HTRA1: variants seen among roughly 807,000 people sequenced by gnomAD.
HTRA1 encodes HtrA serine peptidase 1.
Under a neutral mutation model 49.7 loss-of-function variants are expected in HTRA1, and 26 were observed. The ratio of observed to expected loss-of-function variants is 0.52; its 90% CI spans 0.38 to 0.73. The LOEUF (loss-of-function observed/expected upper bound fraction) is 0.73. HTRA1 is among the 30% of genes least tolerant of loss of function. The pLI, the probability that HTRA1 is intolerant of heterozygous loss-of-function variation, is 0.00. For synonymous variants in HTRA1, 291 were observed against 286.9 expected (o/e 1.01, Z -0.14); for missense variants, 561 against 667.2 (o/e 0.84, Z 1.75).
intron 3 of HTRA1, among the ~76,000 whole-genome samples, chr10:122,504,188 C>T (rs755075363): frequency 5.3e-5 from 8 of 152,206 alleles, no homozygotes; most frequent in African/African-American, 9.6e-5. Context: ...GGGGCTCCCC[C>T]GCCCCAGCCT....
chr10:122,510,288 A>G (rs1268077172), intron 7 of HTRA1, 135 bp downstream of exon 7: 1 of 762,334 alleles, frequency 1.3e-6, no homozygotes, highest in Non-Finnish European at 2.3e-6. Flanking sequence ...ATGAAGTAGC[A>G]TCGGGAAAGA....
chr10:122,469,344 G>A (rs1188849978), intron 1 of HTRA1, among the ~76,000 whole-genome samples: 1 of 152,174 alleles, frequency 6.6e-6, no homozygotes, highest in Non-Finnish European at 1.5e-5. Context: ...AAGAAGAGCT[G>A]TCTCTTTGGT....
intron 1 of HTRA1, among the ~76,000 whole-genome samples, chr10:122,463,934 G>A (rs757057735): frequency 1.3e-5 from 2 of 152,214 alleles, no homozygotes; most frequent in Non-Finnish European, 2.9e-5. Flanking sequence ...GAGGGCAGCA[G>A]GAGTGAGCCA....
At chr10:122,482,917 CAAAAAAA>C (rs59042439) in intron 1 of HTRA1, among the ~76,000 whole-genome samples, 2 of 75,024 alleles carry the variant, frequency 2.7e-5, no homozygotes, top group African/African-American at 1.1e-4. Context: ...GACTCTGTCT[CAAAAAAA>C]AAAAAAAAAA....
At position 122,506,891 on chromosome 10, in the gene HTRA1, C is replaced by G; in HGVS notation, c.972+6C>G. Reference sequence around the variant, plus strand: ...AGACCGACGCCATCATCAACGTGAGCCTCTGTCCCTCTGCGGGTGGGGATT... The same window carrying G: ...AGACCGACGCCATCATCAACGTGAGGCTCTGTCCCTCTGCGGGTGGGGATT... On this transcript the variant is annotated splice_donor_region_variant and intron_variant, in intron 4 of 8. Transcript: ENST00000368984. This position sits in a 1 kb window ranked among gnomAD's most constrained non-coding sequence, Gnocchi z 5.2. The G allele has an allele frequency of 6.2e-6, 10 of 1,612,376 alleles. No individual in the cohort carries two copies. The highest frequency in any genetic ancestry group is 8.5e-6 in the Non-Finnish European group (10 of 1,179,266).
intron 3 of HTRA1, among the ~76,000 whole-genome samples, chr10:122,493,378 A>G (rs2133440857): frequency 6.6e-6 from 1 of 152,358 alleles, no homozygotes; most frequent in African/African-American, 2.4e-5. Context: ...AATAGAAAGC[A>G]GCTTTGAGGG....
At chr10:122,462,559 T>C (rs2097481983) in intron 1 of HTRA1, among the ~76,000 whole-genome samples, 1 of 152,242 alleles carries the variant, frequency 6.6e-6, no homozygotes, top group Non-Finnish European at 1.5e-5. Flanking sequence ...TCTATTTACG[T>C]CCTCCGTCCC....
chr10:122,479,775 C>T (rs1027433448), intron 1 of HTRA1, among the ~76,000 whole-genome samples: 7 of 137,000 alleles, frequency 5.1e-5, no homozygotes, highest in East Asian at 2.4e-4. Context: ...GAGAGGGGAT[C>T]GTGGGCCCGA....
chr10:122,477,203 A>G (rs1810391), intron 1 of HTRA1, among the ~76,000 whole-genome samples: 46,154 of 151,834 alleles, frequency 0.3, 8,077 homozygotes, highest in African/African-American at 0.48. Flanking sequence ...TCCTGACCTC[A>G]TGATCTGCCC....
At chr10:122,473,859 CATA>C (rs1340850191) in intron 1 of HTRA1, among the ~76,000 whole-genome samples, 6 of 152,230 alleles carry the variant, frequency 3.9e-5, no homozygotes, top group Non-Finnish European at 7.3e-5. Context: ...TGTCTCTTAG[CATA>C]ATGTTTTCAA....
intron 3 of HTRA1, among the ~76,000 whole-genome samples, chr10:122,497,448 T>C (rs1383369429): frequency 6.6e-6 from 1 of 152,184 alleles, no homozygotes. Flanking sequence ...AAGCTCTATG[T>C]GGTTATGGGT....
intron 1 of HTRA1, among the ~76,000 whole-genome samples, chr10:122,480,381 A>G (rs2133432098): frequency 6.6e-6 from 1 of 152,294 alleles, no homozygotes; most frequent in African/African-American, 2.4e-5. Flanking sequence ...GGGACAAGGG[A>G]CAGAGCCAAG....
intron 1 of HTRA1, among the ~76,000 whole-genome samples, chr10:122,474,222 AC>A (rs1255398216): frequency 6.6e-6 from 1 of 152,126 alleles, no homozygotes; most frequent in African/African-American, 2.4e-5. Flanking sequence ...CGTCTAGCCT[AC>A]CCCCTCATCT....
At chr10:122,504,798 G>A (rs768294185) in intron 3 of HTRA1, among the ~76,000 whole-genome samples, 3 of 152,244 alleles carry the variant, frequency 2.0e-5, no homozygotes, top group Non-Finnish European at 4.4e-5. Context: ...TCGCTGGTGT[G>A]CTGCTGGATG....
At chr10:122,503,168 C>T (rs762302102) in intron 3 of HTRA1, among the ~76,000 whole-genome samples, 1 of 152,238 alleles carries the variant, frequency 6.6e-6, no homozygotes, top group Non-Finnish European at 1.5e-5. Flanking sequence ...AGGCCTTGGA[C>T]TCAGAGTGCG....
At chr10:122,480,752 G>T (rs1167992736) in intron 1 of HTRA1, among the ~76,000 whole-genome samples, 1 of 152,142 alleles carries the variant, frequency 6.6e-6, no homozygotes, top group East Asian at 1.9e-4. Context: ...TCTCCCACTG[G>T]CAGGTCCAGG....
chr10:122,514,289 T>C lies in HTRA1; in HGVS notation c.1373T>C (p.Leu458Pro), dbSNP rs762906770. 1.2e-6 allele frequency: 2 copies of C among 1,614,188 alleles called. No homozygotes were observed. The highest frequency in any genetic ancestry group is 2.2e-5 in the South Asian group (2 of 91,080). ...GACGTCATTAAAAGGGAAAGCACCC[T>C]GAACATGGTGGTCCGCAGGGGTAAT... ...VSDVIKREST[L>P]NMVVRRGNED... The change falls in exon 9 of 9, where the codon CTG becomes CCG. Residue 458 changes from leucine (L) to proline (P), a missense_variant. This residue lies in a region of HTRA1 where 179 missense variants were observed against 173.4 expected (regional missense o/e 1.03). Transcript: ENST00000368984.
chr10:122,508,809 G>A (rs764926979), intron 6 of HTRA1, 39 bp downstream of exon 6: 45 of 1,224,280 alleles, frequency 3.7e-5, no homozygotes, highest in Admixed American at 5.0e-5. Context: ...CTCCGGAGAT[G>A]GGGCCTGAAG....
intron 3 of HTRA1, 55 bp downstream of exon 3, chr10:122,489,681 G>A (rs1263440834): frequency 1.3e-6 from 2 of 1,517,184 alleles, no homozygotes; most frequent in African/African-American, 2.7e-5. Context: ...GAACACCCTT[G>A]GCAAAGGCAC....
Sources: gnomAD v4.1 joint callset for allele counts (sites outside exome capture counted in the v4.1 genomes callset) on GRCh38, gnomAD v4.1.1 for gene constraint, gnomAD v4.1.1 regional missense constraint, Gnocchi (gnomAD v3.1) non-coding constraint, MANE v1.5 for transcripts, NCBI Gene and HGNC (gene_info 2026-07-23, HGNC 2026-07-21) for gene names.